Variants in COX15 observed in about 807,000 individuals in gnomAD.
COX15 encodes the protein cytochrome c oxidase assembly factor COX15, also known as heme A synthase COX15.
A neutral mutation model predicts 51.9 loss-of-function variants in COX15; 51 were observed. The ratio of observed to expected loss-of-function variants is 0.98; its 90% CI spans 0.78 to 1.24. The LOEUF (loss-of-function observed/expected upper bound fraction) is 1.24. Among genes scored for constraint, COX15 ranks in the 50% most tolerant of loss-of-function variants. The pLI is 0.00. For synonymous variants in COX15, 188 were observed against 190.5 expected (o/e 0.99, Z 0.11); for missense variants, 420 against 501.1 (o/e 0.84, Z 1.55).
downstream of COX15, chr10:99,710,293 T>G: frequency 1.0e-6 from 1 of 985,450 alleles, no homozygotes; most frequent in Non-Finnish European, 1.2e-6. Context: ...TACTTTGGTT[T>G]CTAGTGTTTC....
chr10:99,721,110 G>T, intron 5 of COX15, 42 bp from the exon 6 acceptor site: 1 of 1,518,494 alleles, frequency 6.6e-7, no homozygotes, highest in Non-Finnish European at 9.0e-7. Flanking sequence ...TGTGTTGCAG[G>T]AACAATGAGA....
At chr10:99,699,261 G>C in the COX15 span, among the ~76,000 whole-genome samples, 1 of 152,164 alleles carries the variant, frequency 6.6e-6, no homozygotes, top group South Asian at 2.1e-4. Flanking sequence ...CACCCAGAGG[G>C]GCAAGCCCAT....
chr10:99,714,532 T>A lies in COX15; in HGVS notation c.*55A>T. 2 of 1,613,094 alleles carry A rather than the reference T, an allele frequency of 1.2e-6. No individual in the cohort carries two copies. Among genetic ancestry groups the A allele is most frequent in the South Asian group, 2.2e-5 (2 of 90,920 alleles). On this transcript the variant is annotated 3_prime_UTR_variant, in exon 9 of 9. Transcript: ENST00000016171. Reference sequence around the variant, plus strand: ...CGTAGAAAAGCCCAAGTTCTTATGATCTCTGAAGAGCTCTCAAAAGCAGTC... The same window carrying A: ...CGTAGAAAAGCCCAAGTTCTTATGAACTCTGAAGAGCTCTCAAAAGCAGTC...
intron 8 of COX15, among the ~76,000 whole-genome samples, chr10:99,715,478 C>CT (rs1406079863): frequency 4.0e-5 from 6 of 150,486 alleles, no homozygotes; most frequent in Non-Finnish European, 8.9e-5. Flanking sequence ...CAATTTTTCA[C>CT]TATCACAATT....
intron 1 of COX15, among the ~76,000 whole-genome samples, chr10:99,731,550 G>T (rs2037146093): frequency 6.6e-6 from 1 of 152,100 alleles, no homozygotes; most frequent in East Asian, 1.9e-4. Flanking sequence ...GTAACTTTAA[G>T]CCTCAATTTC....
the COX15 span, among the ~76,000 whole-genome samples, chr10:99,696,544 A>G: frequency 1.3e-5 from 2 of 152,226 alleles, no homozygotes; most frequent in South Asian, 4.1e-4. Flanking sequence ...TAGTATGTCT[A>G]AAAGATAAAA....
downstream of COX15, chr10:99,709,112 C>T (rs1462905194): frequency 1.0e-6 from 1 of 982,156 alleles, no homozygotes; most frequent in Non-Finnish European, 1.2e-6. Flanking sequence ...TATACAATTT[C>T]CTTTACTACA....
chr10:99,696,052 G>C, the COX15 span: 2 of 1,614,160 alleles, frequency 1.2e-6, no homozygotes, highest in Non-Finnish European at 1.7e-6. Flanking sequence ...AACTTTTCTG[G>C]GTTTCGGAGG....
At chr10:99,694,644 C>A in the COX15 span, among the ~76,000 whole-genome samples, 1 of 149,892 alleles carries the variant, frequency 6.7e-6, no homozygotes, top group African/African-American at 2.5e-5. Context: ...TCAAGCGATT[C>A]TCCTGCCTCA....
At chr10:99,728,777 A>G (rs2037042152) in intron 2 of COX15, among the ~76,000 whole-genome samples, 1 of 152,250 alleles carries the variant, frequency 6.6e-6, no homozygotes, top group Non-Finnish European at 1.5e-5. Flanking sequence ...AGCAAAATCT[A>G]AACTGTGCAT....
downstream of COX15, chr10:99,709,510 G>A: frequency 1.0e-6 from 1 of 983,812 alleles, no homozygotes; most frequent in Admixed American, 6.1e-5. Context: ...ACCAAAAGTT[G>A]TGATTAATAA....
At chr10:99,717,100 A>C (rs2300984) in intron 7 of COX15, among the ~76,000 whole-genome samples, 1 of 151,962 alleles carries the variant, frequency 6.6e-6, no homozygotes, top group Non-Finnish European at 1.5e-5. Flanking sequence ...TACTGTGCGC[A>C]GGTGGGGACT....
At chr10:99,698,149 T>C in the COX15 span, among the ~76,000 whole-genome samples, 1 of 152,124 alleles carries the variant, frequency 6.6e-6, no homozygotes, top group African/African-American at 2.4e-5. Context: ...CCACAGTCCT[T>C]CCCACCTCAC....
the COX15 span, chr10:99,701,178 A>G: frequency 2.1e-6 from 2 of 950,188 alleles, no homozygotes; most frequent in Non-Finnish European, 3.2e-6. Flanking sequence ...ATTATTCCAG[A>G]CTTGATTTTC....
the COX15 span, among the ~76,000 whole-genome samples, chr10:99,701,904 AG>A: frequency 6.6e-6 from 1 of 151,834 alleles, no homozygotes; most frequent in South Asian, 2.1e-4. Flanking sequence ...AAAAATTAGC[AG>A]GGTTTGGTGG....
chr10:99,719,243 G>A (rs979542559), intron 6 of COX15, among the ~76,000 whole-genome samples: 13 of 150,936 alleles, frequency 8.6e-5, no homozygotes, highest in African/African-American at 2.2e-4. Flanking sequence ...TTTTTGAGAC[G>A]CAGTCTGGCT....
At chr10:99,726,105 C>T (rs1295566867) in intron 4 of COX15, among the ~76,000 whole-genome samples, 2 of 152,090 alleles carry the variant, frequency 1.3e-5, no homozygotes, top group Non-Finnish European at 2.9e-5. Flanking sequence ...GCTCAACTTA[C>T]GTGATTTTAA....
At chr10:99,731,861 G>A (rs2037159912) in intron 1 of COX15, 99 bp downstream of exon 1, 2 of 1,476,106 alleles carry the variant, frequency 1.4e-6, no homozygotes, top group African/African-American at 1.4e-5. Flanking sequence ...GCACTGTAAG[G>A]AGCTCCGGAA....
rs1479946370 is a variant in COX15 at position 99,716,373 on chromosome 10, G to A, written c.1076C>T (p.Thr359Ile). Residue 359 changes from threonine to isoleucine, a missense_variant, in exon 8 of 9, where the codon ACT becomes ATT. Transcript: ENST00000016171. ...LPRRTKMAAV[T>I]LLALAYTQVG... ...CTGTGTATACGCCAAAGCCAGCAGA[G>A]TCACTGCTGCCATCTTGGTCCTTCT... The A allele has an allele frequency of 1.2e-6, 2 of 1,613,496 alleles. No homozygotes were observed. The highest frequency in any genetic ancestry group is 1.3e-5 in the African/African-American group (1 of 74,886).
Sources: allele counts gnomAD v4.1 joint callset (sites outside exome capture counted in the v4.1 genomes callset), GRCh38; gene constraint gnomAD v4.1.1; transcripts MANE v1.5; gene names NCBI Gene and HGNC (gene_info 2026-07-23, HGNC 2026-07-21).